The following MOB3C variants were observed in gnomAD, a reference collection of about 807,000 sequenced individuals.
The protein encoded by MOB3C is MOB1, Mps One Binder kinase activator-like 2C.
In MOB3C, 17 loss-of-function variants were observed where a neutral mutation model predicts 19.8. That is an observed-to-expected ratio of 0.86 (90% CI 0.59 to 1.29). The LOEUF is 1.29. MOB3C is among the 50% of genes most tolerant of loss of function. The pLI, the probability that MOB3C is intolerant of heterozygous loss-of-function variation, is 0.00. For missense variants in MOB3C, 291 were observed against 301.9 expected (o/e 0.96, Z 0.27); for synonymous variants, 101 against 119.2 (o/e 0.85, Z 0.99).
rs990294901 is a variant in MOB3C, at chr1:46,608,079, G to A, written c.*1576C>T. 1 of 152,332 alleles carries A rather than the reference G, an allele frequency of 6.6e-6. No individual in the cohort carries two copies. The highest frequency in any genetic ancestry group is 2.4e-5 in the African/African-American group (1 of 41,466). The allele number at this position is 152,332 out of a possible 1,614,324, so 9.4% of individuals were successfully genotyped here. ...CCCCAGCCAACCCAAGGGGCAGTGGGACATGTTGGCCTCAGGTTAGAAATT... is the reference window on the plus strand; with the variant it reads ...CCCCAGCCAACCCAAGGGGCAGTGGAACATGTTGGCCTCAGGTTAGAAATT... On this transcript the variant is annotated 3_prime_UTR_variant, in exon 4 of 4. Transcript: ENST00000319928. The surrounding 1 kb of genome is among the most constrained non-coding windows in gnomAD (Gnocchi z 4.5).
Position 46,611,629 on chromosome 1 carries a change from C to T in MOB3C, c.418+1275G>A, listed in dbSNP as rs187023723. Among the ~76,000 whole-genome samples the T allele has an allele frequency of 3.9e-5, 6 of 152,196 alleles. No homozygotes were observed. Among genetic ancestry groups the T allele is most frequent in the Non-Finnish European group, 8.8e-5 (6 of 68,012 alleles). On this transcript the variant is annotated intron_variant, in intron 2 of 3. Coordinates refer to ENST00000319928, the MANE Select transcript of MOB3C (RefSeq NM_201403.3). The surrounding 1 kb of genome is among the most constrained non-coding windows in gnomAD (Gnocchi z 4.1). ...CCATTCCCAGGTGGGGTCGAGCCTT[C>T]CCTCCCTCTGAGCCCCTCCAGCCCA...
Position 46,610,106 on chromosome 1 carries a change from T to C in MOB3C, c.517A>G (p.Ile173Val). ...TGCGCCTCTGCCCCCATGCTGAGGA[T>C]GCTATCGAAGTGGTGGATGTAGACA... Reference protein sequence around the residue: ...VHVYIHHFDSILSMGAEAHVN... With the variant: ...VHVYIHHFDSVLSMGAEAHVN... The change falls in exon 3 of 4, where the codon ATC becomes GTC. Residue 173 changes from isoleucine (I) to valine (V), a missense_variant. Physicochemically the swap from Ile to Val is conservative, Grantham distance 29. Coordinates refer to ENST00000319928, the MANE Select transcript of MOB3C (RefSeq NM_201403.3). The C allele has an allele frequency of 6.2e-7, 1 of 1,614,194 alleles. No homozygotes were observed.
At chr1:46,612,867 G>T (rs757049922) in intron 2 of MOB3C, 37 bp downstream of exon 2, 34 of 1,511,958 alleles carry the variant, frequency 2.2e-5, no homozygotes, top group Non-Finnish European at 2.8e-5. Flanking sequence ...TGTGGAATGG[G>T]CTCCCAGTGG....
Position 46,609,694 on chromosome 1 carries a change from C to T in MOB3C, c.622-10G>A, listed in dbSNP as rs1369316737. ...GCTCTGTCATCTCCCTCTGTAGAGACACAAGGTAGGGAGGGGTCAATTAGA... is the reference window on the plus strand; with the variant it reads ...GCTCTGTCATCTCCCTCTGTAGAGATACAAGGTAGGGAGGGGTCAATTAGA... On this transcript the variant is annotated splice_polypyrimidine_tract_variant and intron_variant, in intron 3 of 3. Transcript: ENST00000319928. The T allele has an allele frequency of 1.2e-6, 2 of 1,613,996 alleles. No homozygotes were observed. Among genetic ancestry groups the T allele is most frequent in the Non-Finnish European group, 1.7e-6 (2 of 1,180,000 alleles).
Position 46,609,234 on chromosome 1 carries a change from T to TCACA in MOB3C, c.*417_*420dup, listed in dbSNP as rs543977500. On this transcript the variant is annotated 3_prime_UTR_variant, in exon 4 of 4. Transcript: ENST00000319928. ...TCACAGACACACCCCACAGTGAAAA[T>TCACA]CACACACACACACACACACCCCGGC... 6 of 240,430 alleles carry TCACA rather than the reference T, an allele frequency of 2.5e-5. No individual in the cohort carries two copies. The highest frequency in any genetic ancestry group is 1.4e-4 in the South Asian group (3 of 20,764). The allele number at this position is 240,430 out of a possible 1,614,324, so 14.9% of individuals were successfully genotyped here. A position where few individuals can be genotyped will look rare whatever the true frequency, so the allele number is the denominator to read the frequency against.
Position 46,610,024 on chromosome 1 carries a change from T to A in MOB3C, c.599A>T (p.Asp200Val). ...YYFIREFSLVDQRELEPLREM... is the reference protein window; with the variant it reads ...YYFIREFSLVVQRELEPLREM... ...CACCAGTGGCTCCAGCTCCCGCTGGTCCACCAGACTGAACTCGCGGATGAA... is the reference window on the plus strand; with the variant it reads ...CACCAGTGGCTCCAGCTCCCGCTGGACCACCAGACTGAACTCGCGGATGAA... The change falls in exon 3 of 4, where the codon GAC (aspartate) becomes GTC (valine). Residue 200 changes from aspartate to valine, a missense_variant. Coordinates refer to ENST00000319928, the MANE Select transcript of MOB3C (RefSeq NM_201403.3). 1.2e-6 allele frequency: 2 copies of A among 1,614,230 alleles called. No individual in the cohort carries two copies. Among genetic ancestry groups the A allele is most frequent in the Non-Finnish European group, 1.7e-6 (2 of 1,180,048 alleles).
chr1:46,608,344 A>T lies in MOB3C; in HGVS notation c.*1311T>A, dbSNP rs1675403756. ...ATTCTCAGGTTCCCTCTGGCTTTCC[A>T]TTCTGGCATCCCAGAGTGGAGGCTC... On this transcript the variant is annotated 3_prime_UTR_variant, in exon 4 of 4. Coordinates refer to ENST00000319928, the MANE Select transcript of MOB3C (RefSeq NM_201403.3). This position sits in a 1 kb window ranked among gnomAD's most constrained non-coding sequence, Gnocchi z 4.5. 1 of 152,184 alleles carries T rather than the reference A, an allele frequency of 6.6e-6. No individual in the cohort carries two copies. Among genetic ancestry groups the T allele is most frequent in the Non-Finnish European group, 1.5e-5 (1 of 68,052 alleles). 9.4% of individuals were successfully genotyped at this position (152,184 alleles called of 1,614,324 possible).
intron 2 of MOB3C, among the ~76,000 whole-genome samples, chr1:46,612,126 C>T (rs1289543330): frequency 2.0e-5 from 3 of 152,176 alleles, no homozygotes; most frequent in Non-Finnish European, 4.4e-5. Flanking sequence ...CCCTCCCTAC[C>T]CTCACCCGCC....
At chr1:46,613,720 G>A (rs1008779640) in intron 1 of MOB3C, 28 of 260,526 alleles carry the variant, frequency 1.1e-4, no homozygotes, top group African/African-American at 2.2e-4. Flanking sequence ...GGGCTTGGAC[G>A]AGATGACCTC....
chr1:46,612,847 A>C (rs1675491393), intron 2 of MOB3C, 57 bp downstream of exon 2: 1 of 1,484,338 alleles, frequency 6.7e-7, no homozygotes, highest in African/African-American at 1.4e-5. Context: ...TATCAAACTA[A>C]ATCCTCATCT....
At chr1:46,614,800 G>A in intron 1 of MOB3C, 2 of 566,220 alleles carry the variant, frequency 3.5e-6, no homozygotes, top group Non-Finnish European at 6.3e-6. Flanking sequence ...TTCGGGGAGG[G>A]GTATTACTTC....
rs1423427576 is a variant in MOB3C at position 46,611,537 on chromosome 1, GACTATGAATCT to G, written c.419-1344_419-1334del. Among the ~76,000 whole-genome samples the G allele has an allele frequency of 6.6e-6, 1 of 152,176 alleles. No individual in the cohort carries two copies. The highest frequency in any genetic ancestry group is 1.5e-5 in the Non-Finnish European group (1 of 68,020). On this transcript the variant is annotated intron_variant, in intron 2 of 3. Transcript: ENST00000319928. This position sits in a 1 kb window ranked among gnomAD's most constrained non-coding sequence, Gnocchi z 4.1. The stretch of plus-strand genomic sequence containing the variant: ...GGCCCAGGGAGGTATGGCCAGCAGG[GACTATGAATCT>G]ACATTCAGGTCCACAGCTGGCCCAC...
chr1:46,612,929 G>C lies in MOB3C; in HGVS notation c.393C>G (p.Asp131Glu). 1 of 1,561,716 alleles carries C rather than the reference G, an allele frequency of 6.4e-7. No homozygotes were observed. The part of the protein sequence containing the change: ...LMDWIEGLIN[D>E]EEVFPTRVGV... ...CAACACGCGTGGGAAAGACCTCTTC[G>C]TCGTTGATGAGGCCTTCGATCCAGT... is the stretch of plus-strand genomic sequence containing the variant. Residue 131 changes from aspartate (D) to glutamate (E), a missense_variant, in exon 2 of 4, where the codon GAC becomes GAG. By Grantham distance (45) the Asp-to-Glu change is conservative. Coordinates refer to ENST00000319928, the MANE Select transcript of MOB3C (RefSeq NM_201403.3).
chr1:46,615,449 C>T (rs923663812), intron 1 of MOB3C: 13 of 222,118 alleles, frequency 5.9e-5, no homozygotes, highest in Admixed American at 5.3e-4. Flanking sequence ...ATTGCAGTCT[C>T]CACTCCATCC....
At position 46,609,423 on chromosome 1, in the gene MOB3C, G is replaced by A; in HGVS notation, c.*232C>T. The A allele has an allele frequency of 1.6e-6, 1 of 612,258 alleles. No individual in the cohort carries two copies. The highest frequency in any genetic ancestry group is 2.9e-6 in the Non-Finnish European group (1 of 342,568). The allele number at this position is 612,258 out of a possible 1,614,324, so 37.9% of individuals were successfully genotyped here. Reference sequence around the variant, plus strand: ...CCCTACTCCCAGACTTCATGCCAGAGGTTTAACTCCACTTCCCTTCTGTTT... The same window carrying A: ...CCCTACTCCCAGACTTCATGCCAGAAGTTTAACTCCACTTCCCTTCTGTTT... On this transcript the variant is annotated 3_prime_UTR_variant, in exon 4 of 4. Transcript: ENST00000319928.
Position 46,609,626 on chromosome 1 carries a change from C to A in MOB3C, c.*29G>T. 3 of 1,614,186 alleles carry A rather than the reference C, an allele frequency of 1.9e-6. No individual in the cohort carries two copies. The highest frequency in any genetic ancestry group is 2.5e-6 in the Non-Finnish European group (3 of 1,180,032). ...GCCACCCTATGTTCAGATCGTCCAT[C>A]TGATGGCCAAAAAAGTCCAGACCTG... On this transcript the variant is annotated 3_prime_UTR_variant, in exon 4 of 4. Coordinates refer to ENST00000319928, the MANE Select transcript of MOB3C (RefSeq NM_201403.3).
Position 46,613,025 on chromosome 1 carries a change from G to T in MOB3C, c.297C>A (p.Arg99=), listed in dbSNP as rs768220375. Residue 99 remains arginine (R), a synonymous_variant, in exon 2 of 4, where the codon CGC becomes CGA. Coordinates refer to ENST00000319928, the MANE Select transcript of MOB3C (RefSeq NM_201403.3). ...GCCGGTACTGGCGCTCGTCCTGCCAGCGGTACTCGTAGCGGGGCCCGCCGG... is the reference window on the plus strand; with the variant it reads ...GCCGGTACTGGCGCTCGTCCTGCCATCGGTACTCGTAGCGGGGCCCGCCGG... The part of the protein sequence containing the change: ...VMAGGPRYEY[R]WQDERQYRRP... The T allele has an allele frequency of 2.4e-5, 39 of 1,613,936 alleles. 1 individual carries two copies. In the South Asian group the frequency reaches 4.1e-4, roughly 17 times the overall value.
chr1:46,616,229 C>T (rs1419904563), intron 1 of MOB3C: 1 of 152,398 alleles, frequency 6.6e-6, no homozygotes, highest in Non-Finnish European at 1.5e-5. Context: ...TGCTAGGCTA[C>T]ATCTACCACT....
intron 2 of MOB3C, among the ~76,000 whole-genome samples, chr1:46,610,973 C>A (rs1675454728): frequency 6.6e-6 from 1 of 152,236 alleles, no homozygotes; most frequent in East Asian, 1.9e-4. Flanking sequence ...AACTTTCCAG[C>A]AGGACGCTGC....
Sources: allele counts gnomAD v4.1 joint callset (sites outside exome capture counted in the v4.1 genomes callset), GRCh38; gene constraint gnomAD v4.1.1; non-coding constraint Gnocchi (gnomAD v3.1); transcripts MANE v1.5; gene names NCBI Gene and HGNC (gene_info 2026-07-23, HGNC 2026-07-21).